The following TWNK variants were observed in gnomAD, a reference collection of about 807,000 sequenced individuals.
TWNK encodes twinkle mtDNA helicase, also known as T7 gp4-like protein with intramitochondrial nucleoid localization.
TWNK carries 36 observed loss-of-function variants against 58.2 expected under a neutral mutation model. The observed-to-expected ratio is 0.62, with a 90% CI of 0.47 to 0.82. The LOEUF (loss-of-function observed/expected upper bound fraction) is 0.82, where lower values mean the gene tolerates loss of function less well. Among genes scored for constraint, TWNK ranks in the 40% least tolerant of loss-of-function variants. The pLI is 0.00. For missense variants in TWNK, 714 were observed against 881.0 expected (o/e 0.81, Z 2.40); for synonymous variants, 349 against 348.5 (o/e 1.00, Z -0.02).
chr10:100,993,563 T>C lies in TWNK; in HGVS notation c.*53T>C. On this transcript the variant is annotated 3_prime_UTR_variant, in exon 5 of 5. Transcript: ENST00000311916. The stretch of plus-strand genomic sequence containing the variant: ...GAGCCTGATAGGATAGGCTGGAGCA[T>C]AAAACTCTGCAAGGGCTCCTCTATC... 6.3e-7 allele frequency: 1 copy of C among 1,588,866 alleles called. No homozygotes were observed. The highest frequency in any genetic ancestry group is 1.7e-5 in the Admixed American group (1 of 58,666).
At position 100,989,023 on chromosome 10, in the gene TWNK, C is replaced by T. The variant is rs1851679932; in HGVS notation, c.813C>T (p.Ala271=). 3.1e-6 allele frequency: 5 copies of T among 1,614,050 alleles called. No individual in the cohort carries two copies. Among genetic ancestry groups the T allele is most frequent in the Admixed American group, 3.3e-5 (2 of 60,004 alleles). Residue 271 remains alanine (A), a synonymous_variant, in exon 1 of 5, where the codon GCC becomes GCT. Transcript: ENST00000311916. The surrounding 1 kb of genome is among the most constrained non-coding windows in gnomAD (Gnocchi z 7.6). ...VLTSRELDSL[A]LNQSTGLPTL... is the part of the protein sequence containing the mutation. ...CGAGTCGTGAGCTTGACAGCCTGGCCTTGAACCAGTCCACGGGGCTGCCTA... is the reference window on the plus strand; with the variant it reads ...CGAGTCGTGAGCTTGACAGCCTGGCTTTGAACCAGTCCACGGGGCTGCCTA...
Position 100,987,973 on chromosome 10 carries a change from T to C in TWNK, c.-238T>C, listed in dbSNP as rs1851622752. On this transcript the variant is annotated 5_prime_UTR_variant, in exon 1 of 5. Coordinates refer to ENST00000311916, the MANE Select transcript of TWNK (RefSeq NM_021830.5). ...CGGAGAGAAACTAACTAACGGACCA[T>C]AGAGGTGGGGGAGCCATTGTAGAAG... 18 of 635,470 alleles carry C rather than the reference T, an allele frequency of 2.8e-5. No individual in the cohort carries two copies. The highest frequency in any genetic ancestry group is 4.2e-4 in the Middle Eastern group (1 of 2,400). The allele number at this position is 635,470 out of a possible 1,614,324, so 39.4% of individuals were successfully genotyped here.
rs1244379901 is a variant in TWNK at position 100,988,418 on chromosome 10, C to T, written c.208C>T (p.Pro70Ser). 6.2e-6 allele frequency: 10 copies of T among 1,614,260 alleles called. No homozygotes were observed. The highest frequency in any genetic ancestry group is 8.5e-6 in the Non-Finnish European group (10 of 1,180,054). The change falls in exon 1 of 5, where the codon CCC (proline) becomes TCC (serine). Residue 70 changes from proline to serine, a missense_variant. Coordinates refer to ENST00000311916, the MANE Select transcript of TWNK (RefSeq NM_021830.5). The surrounding 1 kb of genome is among the most constrained non-coding windows in gnomAD (Gnocchi z 5.2). ...CCAGTATTTGCGGGGGCATGGGATC[C>T]CCTTCCAGGATGGTCACAGTTGCCT... Reference protein sequence around the residue: ...IRQYLRGHGIPFQDGHSCLRA... With the variant: ...IRQYLRGHGISFQDGHSCLRA...
At position 100,993,920 on chromosome 10, in the gene TWNK, C is replaced by G. The variant is rs1443834227; in HGVS notation, c.*410C>G. On this transcript the variant is annotated 3_prime_UTR_variant, in exon 5 of 5. Coordinates refer to ENST00000311916, the MANE Select transcript of TWNK (RefSeq NM_021830.5). ...TGTCTCTGAGCCGAGGGCATGTGAG[C>G]TGGGGCCTAAACAACTAGAAGGAGA... is the stretch of plus-strand genomic sequence containing the variant. The G allele has an allele frequency of 3.7e-5, 8 of 217,624 alleles. No individual in the cohort carries two copies. Among genetic ancestry groups the G allele is most frequent in the South Asian group, 2.5e-4 (4 of 15,738 alleles). The allele number at this position is 217,624 out of a possible 1,614,324, so 13.5% of individuals were successfully genotyped here.
In TWNK at chr10:100,993,641, A is replaced by G. The variant is rs1447535911; in HGVS notation, c.*131A>G. The G allele has an allele frequency of 1.4e-5, 14 of 998,994 alleles. No individual in the cohort carries two copies. The Admixed American group carries it at 2.9e-4, about 21-fold the overall frequency. 61.9% of individuals were successfully genotyped at this position (998,994 alleles called of 1,614,324 possible). A position where few individuals can be genotyped will look rare whatever the true frequency, so the allele number is the denominator to read the frequency against. On this transcript the variant is annotated 3_prime_UTR_variant, in exon 5 of 5. Coordinates refer to ENST00000311916, the MANE Select transcript of TWNK (RefSeq NM_021830.5). ...CAGTCTGAGGGGCCTAACCTAGAGCAGGTTTCCATAGTGAGAAAATTCAAT... is the reference window on the plus strand; with the variant it reads ...CAGTCTGAGGGGCCTAACCTAGAGCGGGTTTCCATAGTGAGAAAATTCAAT...
At chr10:100,992,528 TAAAAAAAAAAA>T (rs1209775610) in intron 4 of TWNK, among the ~76,000 whole-genome samples, 2 of 91,122 alleles carry the variant, frequency 2.2e-5, no homozygotes, top group Non-Finnish European at 4.3e-5. Flanking sequence ...ACCCTGTCTT[TAAAAAAAAAAA>T]AAAAAAAAAA....
Position 100,989,707 on chromosome 10 carries a change from G to A in TWNK, c.1307G>A (p.Gly436Glu). Reference protein sequence around the residue: ...SEYALDLCSQGVNTLWGSFEI... With the variant: ...SEYALDLCSQEVNTLWGSFEI... ...TATGCCCTGGATTTGTGTTCCCAGG[G>A]GGTGAACACACTGTGGGGTAGCTTC... Residue 436 changes from glycine to glutamate, a missense_variant, in exon 2 of 5, where the codon GGG becomes GAG. Transcript: ENST00000311916. The surrounding 1 kb of genome is among the most constrained non-coding windows in gnomAD (Gnocchi z 7.6). 1 of 1,614,174 alleles carries A rather than the reference G, an allele frequency of 6.2e-7. No homozygotes were observed. Among genetic ancestry groups the A allele is most frequent in the Non-Finnish European group, 8.5e-7 (1 of 1,179,998 alleles).
intron 2 of TWNK, among the ~76,000 whole-genome samples, chr10:100,990,109 A>G (rs1798619952): frequency 6.6e-6 from 1 of 152,154 alleles, no homozygotes; most frequent in Non-Finnish European, 1.5e-5. Flanking sequence ...TTTGAGACCA[A>G]CCTGGGCAAT....
chr10:100,993,569 T>C lies in TWNK; in HGVS notation c.*59T>C. 1 of 1,569,444 alleles carries C rather than the reference T, an allele frequency of 6.4e-7. No individual in the cohort carries two copies. The highest frequency in any genetic ancestry group is 8.7e-7 in the Non-Finnish European group (1 of 1,145,398). ...GATAGGATAGGCTGGAGCATAAAAC[T>C]CTGCAAGGGCTCCTCTATCCTGTGG... On this transcript the variant is annotated 3_prime_UTR_variant, in exon 5 of 5. Coordinates refer to ENST00000311916, the MANE Select transcript of TWNK (RefSeq NM_021830.5).
rs774214514 is a variant in TWNK, at chr10:100,987,619, C to G, written c.-592C>G. ...AAGTGGGAGAGAGAAAAGTGGTAACCTGGGGCTGGGGGCCGGCGCGGCGGA... is the reference window on the plus strand; with the variant it reads ...AAGTGGGAGAGAGAAAAGTGGTAACGTGGGGCTGGGGGCCGGCGCGGCGGA... On this transcript the variant is annotated 5_prime_UTR_variant, in exon 1 of 5. Transcript: ENST00000311916. The G allele has an allele frequency of 2.2e-6, 2 of 924,164 alleles. No homozygotes were observed. The highest frequency in any genetic ancestry group is 2.7e-5 in the East Asian group (1 of 37,610). 57.2% of individuals were successfully genotyped at this position (924,164 alleles called of 1,614,324 possible).
chr10:100,990,825 CCTT>C (rs750570026), intron 3 of TWNK, 41 bp from the exon 4 acceptor site: 205 of 1,609,082 alleles, frequency 1.3e-4, no homozygotes, highest in Non-Finnish European at 1.6e-4. Flanking sequence ...ATGTTCTTGT[CCTT>C]CTGTGTCTGA....
rs1240877908 is a variant in TWNK, at chr10:100,992,931, T to A, written c.1735-259T>A. 2.0e-5 allele frequency among the ~76,000 whole-genome samples: 3 copies of A among 152,034 alleles called. No homozygotes were observed. In the South Asian group the frequency reaches 6.2e-4, roughly 32 times the overall value. On this transcript the variant is annotated intron_variant, in intron 4 of 4. Coordinates refer to ENST00000311916, the MANE Select transcript of TWNK (RefSeq NM_021830.5). The stretch of plus-strand genomic sequence containing the variant: ...CCTCCCAAGAAGCTGGGACTATAGG[T>A]GCATGCCACCATGCCCAGCTAATTT...
rs2133942286 is a variant in TWNK at position 100,990,913 on chromosome 10, C to T, written c.1637C>T (p.Ala546Val). The T allele has an allele frequency of 1.2e-6, 2 of 1,614,232 alleles. No individual in the cohort carries two copies. The highest frequency in any genetic ancestry group is 1.7e-6 in the Non-Finnish European group (2 of 1,180,050). Residue 546 changes from alanine (A) to valine (V), a missense_variant, in exon 4 of 5, where the codon GCA (alanine) becomes GTA (valine). This residue lies in a region of TWNK where 302 missense variants were observed against 438.6 expected (regional missense o/e 0.69). Coordinates refer to ENST00000311916, the MANE Select transcript of TWNK (RefSeq NM_021830.5). Reference protein sequence around the residue: ...DYIIGVFRKFATDNNCHVTLV... With the variant: ...DYIIGVFRKFVTDNNCHVTLV... ...ATCATCGGGGTCTTTCGGAAGTTTG[C>T]AACAGACAATAACTGCCATGTGACA... is the stretch of plus-strand genomic sequence containing the variant.
In TWNK at chr10:100,989,864, C is replaced by G; in HGVS notation, c.1464C>G (p.Phe488Leu). ...FEDLPLYFMT[F>L]HGQQSIRTVI... ...ACCTGCCCCTCTATTTCATGACTTT[C>G]CATGGACAGCAAAGCATCAGGTGAG... The change falls in exon 2 of 5, where the codon TTC (phenylalanine) becomes TTG (leucine). Residue 488 changes from phenylalanine (F) to leucine (L), a missense_variant. Phe to Leu is a conservative substitution (Grantham distance 22). Coordinates refer to ENST00000311916, the MANE Select transcript of TWNK (RefSeq NM_021830.5). The surrounding 1 kb of genome is among the most constrained non-coding windows in gnomAD (Gnocchi z 7.6). 4 of 1,614,218 alleles carry G rather than the reference C, an allele frequency of 2.5e-6. No individual in the cohort carries two copies. The highest frequency in any genetic ancestry group is 3.4e-6 in the Non-Finnish European group (4 of 1,180,038).
intron 4 of TWNK, among the ~76,000 whole-genome samples, chr10:100,992,120 T>A (rs557919586): frequency 1.3e-5 from 2 of 149,034 alleles, no homozygotes; most frequent in South Asian, 2.1e-4. Context: ...GGAGGATTGC[T>A]TGAGCCTGGG....
chr10:100,988,521 T>C lies in TWNK; in HGVS notation c.311T>C (p.Ile104Thr). 4 of 1,614,188 alleles carry C rather than the reference T, an allele frequency of 2.5e-6. No homozygotes were observed. The highest frequency in any genetic ancestry group is 3.4e-6 in the Non-Finnish European group (4 of 1,180,044). ...TGVTTSFSLF[I>T]DKTTGHFLCM... ...GTTACCACTTCCTTCAGCCTCTTCATTGACAAGACCACAGGCCACTTTCTC... is the reference window on the plus strand; with the variant it reads ...GTTACCACTTCCTTCAGCCTCTTCACTGACAAGACCACAGGCCACTTTCTC... The change falls in exon 1 of 5, where the codon ATT (isoleucine) becomes ACT (threonine). Residue 104 changes from isoleucine to threonine, a missense_variant. Around this residue, in one of 3 missense-constraint regions of TWNK, gnomAD observed 348 missense variants for 388.4 expected, o/e 0.90. Coordinates refer to ENST00000311916, the MANE Select transcript of TWNK (RefSeq NM_021830.5). This position sits in a 1 kb window ranked among gnomAD's most constrained non-coding sequence, Gnocchi z 5.2.
At chr10:100,991,200 T>A (rs1255061535) in intron 4 of TWNK, 190 bp downstream of exon 4, 2 of 799,772 alleles carry the variant, frequency 2.5e-6, no homozygotes, top group South Asian at 1.8e-5. Flanking sequence ...CTTATGCTCT[T>A]CTTGTCCCCC....
Position 100,988,409 on chromosome 10 carries a change from C to T in TWNK, c.199C>T (p.His67Tyr). 1.2e-6 allele frequency: 2 copies of T among 1,614,248 alleles called. No individual in the cohort carries two copies. The highest frequency in any genetic ancestry group is 1.1e-5 in the South Asian group (1 of 91,088). Residue 67 changes from histidine to tyrosine, a missense_variant, in exon 1 of 5, where the codon CAT becomes TAT. Physicochemically the swap from His to Tyr is moderately conservative, Grantham distance 83. Coordinates refer to ENST00000311916, the MANE Select transcript of TWNK (RefSeq NM_021830.5). The surrounding 1 kb of genome is among the most constrained non-coding windows in gnomAD (Gnocchi z 5.2). The part of the protein sequence containing the change: ...ATEIRQYLRG[H>Y]GIPFQDGHSC... The stretch of plus-strand genomic sequence containing the variant: ...TGAAATCCGCCAGTATTTGCGGGGG[C>T]ATGGGATCCCCTTCCAGGATGGTCA...
rs761742006 is a variant in TWNK at position 100,990,444 on chromosome 10, T to C, written c.1493T>C (p.Ile498Thr). ...FHGQQSIRTV[I>T]DTMQHAVYVY... ...GCCTTTCCTCTTCCCAGGACTGTAA[T>C]AGATACAATGCAACATGCAGTCTAC... Residue 498 changes from isoleucine (I) to threonine (T), a missense_variant, in exon 3 of 5, where the codon ATA becomes ACA. Ile to Thr is a moderately conservative substitution (Grantham distance 89, BLOSUM62 -1). Around this residue, in one of 3 missense-constraint regions of TWNK, gnomAD observed 302 missense variants for 438.6 expected, o/e 0.69. Coordinates refer to ENST00000311916, the MANE Select transcript of TWNK (RefSeq NM_021830.5). 4.3e-6 allele frequency: 7 copies of C among 1,613,446 alleles called. No homozygotes were observed. In the South Asian group the frequency reaches 5.5e-5, roughly 13 times the overall value.
Sources: gnomAD v4.1 joint callset for allele counts (sites outside exome capture counted in the v4.1 genomes callset) on GRCh38, gnomAD v4.1.1 for gene constraint, gnomAD v4.1.1 regional missense constraint, Gnocchi (gnomAD v3.1) non-coding constraint, MANE v1.5 for transcripts, NCBI Gene and HGNC (gene_info 2026-07-23, HGNC 2026-07-21) for gene names.